Variants in SLC24A2 observed in about 807,000 individuals in gnomAD.
SLC24A2 encodes sodium/potassium/calcium exchanger 2.
SLC24A2 carries 36 observed loss-of-function variants against 62.0 expected under a neutral mutation model. The observed-to-expected ratio is 0.58, with a 90% CI of 0.44 to 0.77. The LOEUF (loss-of-function observed/expected upper bound fraction) is 0.77, where lower values mean the gene tolerates loss of function less well. Ranked by LOEUF, SLC24A2 falls within the 30% of genes least tolerant of loss-of-function variation. The pLI, the probability that SLC24A2 is intolerant of heterozygous loss-of-function variation, is 0.00. For synonymous variants in SLC24A2, 358 were observed against 294.0 expected, an observed-to-expected ratio of 1.22 and a Z score of -2.23; for missense variants, 846 against 817.9, an observed-to-expected ratio of 1.03 and a Z score of -0.42.
the SLC24A2 span, among the ~76,000 whole-genome samples, chr9:20,011,574 C>T: frequency 6.6e-6 from 1 of 152,096 alleles, no homozygotes; most frequent in Non-Finnish European, 1.5e-5. Context: ...GGGACACCAT[C>T]AAGAAAACTA....
the SLC24A2 span, among the ~76,000 whole-genome samples, chr9:20,220,339 C>T: frequency 6.6e-6 from 1 of 152,136 alleles, no homozygotes; most frequent in African/African-American, 2.4e-5. Flanking sequence ...TTTGTTTCAT[C>T]ACCACCTCGG....
At chr9:20,227,535 TAAA>T in the SLC24A2 span, among the ~76,000 whole-genome samples, 6 of 124,626 alleles carry the variant, frequency 4.8e-5, no homozygotes, top group Non-Finnish European at 8.5e-5. Context: ...CACACATTTC[TAAA>T]AAAAAAAAAA....
chr9:19,964,163 G>C, the SLC24A2 span, among the ~76,000 whole-genome samples: 1 of 137,008 alleles, frequency 7.3e-6, no homozygotes, highest in Admixed American at 8.4e-5. Context: ...GATGAGAATT[G>C]AACAATGAGA....
the SLC24A2 span, among the ~76,000 whole-genome samples, chr9:20,141,807 G>A: frequency 5.9e-5 from 9 of 152,084 alleles, no homozygotes; most frequent in African/African-American, 1.9e-4. Context: ...AAAAAGGCGG[G>A]CCACGGTGGC....
At position 19,718,284 on chromosome 9, in the gene SLC24A2, C is replaced by CTTTT. The variant is rs71335446; in HGVS notation, c.930+67649_930+67652dup. Among the ~76,000 whole-genome samples, 116 of 55,734 alleles carry CTTTT rather than the reference C, an allele frequency of 2.1e-3. 31 individuals carry two copies. The highest frequency in any genetic ancestry group is 8.2e-3 in the African/African-American group (97 of 11,820). 36.6% of individuals were successfully genotyped at this position (55,734 alleles called of 152,430 possible). ...GCTACCATGCCTGGCTGATTTAACA[C>CTTTT]TTTTTTTTTTTTTTTTTTTTTTTTT... On this transcript the variant is annotated intron_variant, in intron 2 of 10. Transcript: ENST00000341998.
At chr9:19,922,302 C>T in the SLC24A2 span, among the ~76,000 whole-genome samples, 1 of 152,088 alleles carries the variant, frequency 6.6e-6, no homozygotes, top group Admixed American at 6.6e-5. Context: ...TTCAGGGGAG[C>T]CAAGAGATCT....
chr9:20,105,549 C>G, the SLC24A2 span, among the ~76,000 whole-genome samples: 3 of 151,976 alleles, frequency 2.0e-5, no homozygotes, highest in Admixed American at 1.3e-4. Context: ...GAATCTCACT[C>G]AAAACCACTC....
chr9:19,702,996 CA>C (rs1286649477), intron 2 of SLC24A2, among the ~76,000 whole-genome samples: 1 of 151,874 alleles, frequency 6.6e-6, no homozygotes, highest in Non-Finnish European at 1.5e-5. Flanking sequence ...GCAATGAAAA[CA>C]AAACAATATT....
intron 2 of SLC24A2, among the ~76,000 whole-genome samples, chr9:19,660,379 C>T (rs920275291): frequency 2.0e-5 from 3 of 152,084 alleles, no homozygotes; most frequent in Non-Finnish European, 4.4e-5. Context: ...TTAACGGGCA[C>T]CACAGGTCAG....
At chr9:19,666,632 T>C (rs932966696) in intron 2 of SLC24A2, among the ~76,000 whole-genome samples, 2 of 152,220 alleles carry the variant, frequency 1.3e-5, no homozygotes, top group African/African-American at 4.8e-5. Context: ...AGAGAGTATA[T>C]ATTTCTTTAT....
At chr9:20,175,310 A>C in the SLC24A2 span, among the ~76,000 whole-genome samples, 2 of 151,930 alleles carry the variant, frequency 1.3e-5, no homozygotes, top group African/African-American at 4.8e-5. Context: ...TGTGTGCACC[A>C]AAATCTCACC....
intron 2 of SLC24A2, among the ~76,000 whole-genome samples, chr9:19,731,046 T>C (rs554498944): frequency 6.6e-6 from 1 of 152,320 alleles, no homozygotes; most frequent in East Asian, 1.9e-4. Context: ...AGTTCATCTT[T>C]CAAAATAAGC....
chr9:20,249,704 CAAAAAAAA>C, the SLC24A2 span, among the ~76,000 whole-genome samples: 3 of 76,586 alleles, frequency 3.9e-5, no homozygotes, highest in East Asian at 3.1e-4. Flanking sequence ...AACTCTGTCT[CAAAAAAAA>C]AAAAAAAAAA....
the SLC24A2 span, among the ~76,000 whole-genome samples, chr9:19,897,705 TA>T: frequency 2.6e-5 from 4 of 152,166 alleles, no homozygotes; most frequent in Admixed American, 2.6e-4. Context: ...TTATCGTCAA[TA>T]ACCCCATGAG....
At chr9:20,268,598 G>A in the SLC24A2 span, among the ~76,000 whole-genome samples, 2 of 152,102 alleles carry the variant, frequency 1.3e-5, no homozygotes, top group African/African-American at 2.4e-5. Context: ...CAGCAAGAAG[G>A]CCCTCATCAG....
chr9:19,812,009 C>T, the SLC24A2 span, among the ~76,000 whole-genome samples: 1 of 152,168 alleles, frequency 6.6e-6, no homozygotes, highest in South Asian at 2.1e-4. Flanking sequence ...ATTTTGCTTT[C>T]ATTTTTGAAG....
chr9:20,229,033 T>C, the SLC24A2 span, among the ~76,000 whole-genome samples: 1 of 152,126 alleles, frequency 6.6e-6, no homozygotes, highest in East Asian at 1.9e-4. Context: ...GTGTGAGGTG[T>C]GACATAACTG....
intron 2 of SLC24A2, among the ~76,000 whole-genome samples, chr9:19,764,623 T>C (rs759805164): frequency 6.6e-6 from 1 of 152,256 alleles, no homozygotes; most frequent in Non-Finnish European, 1.5e-5. Flanking sequence ...TGAGTGAGTT[T>C]CTTTATCCTG....
intron 2 of SLC24A2, among the ~76,000 whole-genome samples, chr9:19,647,370 G>A (rs1432614517): frequency 6.6e-6 from 1 of 152,106 alleles, no homozygotes; most frequent in Non-Finnish European, 1.5e-5. Context: ...CTTCTTCACT[G>A]GAAATTTTGG....
Sources: gnomAD v4.1 joint callset for allele counts (sites outside exome capture counted in the v4.1 genomes callset) on GRCh38, gnomAD v4.1.1 for gene constraint, MANE v1.5 for transcripts, NCBI Gene and HGNC (gene_info 2026-07-23, HGNC 2026-07-21) for gene names.